The following ITPR1 variants were observed in gnomAD, a reference collection of about 807,000 sequenced individuals.
The protein encoded by ITPR1 is inositol 1,4,5-trisphosphate-gated calcium channel ITPR1.
Under a neutral mutation model 318.4 loss-of-function variants are expected in ITPR1, and 96 were observed. The observed-to-expected ratio is 0.30, with a 90% CI of 0.26 to 0.36. The LOEUF (loss-of-function observed/expected upper bound fraction) is 0.36. Among genes scored for constraint, ITPR1 ranks in the 10% least tolerant of loss-of-function variants. The pLI is 1.00. For synonymous variants in ITPR1, 1,312 were observed against 1,289.9 expected (o/e 1.02, Z -0.37); for missense variants, 2,440 against 3,460.2 (o/e 0.71, Z 7.40).
chr3:4,594,578 A>C (rs1023287124), intron 4 of ITPR1, among the ~76,000 whole-genome samples: 1 of 152,164 alleles, frequency 6.6e-6, no homozygotes, highest in Non-Finnish European at 1.5e-5. Flanking sequence ...TCTTTATCGT[A>C]AGATGGCTAC....
intron 4 of ITPR1, among the ~76,000 whole-genome samples, chr3:4,526,303 TAAGTGGTTC>T (rs2082972294): frequency 6.6e-6 from 1 of 152,222 alleles, no homozygotes; most frequent in Non-Finnish European, 1.5e-5. Context: ...ATTCTATCAC[TAAGTGGTTC>T]ATATGAATTG....
intron 44 of ITPR1, among the ~76,000 whole-genome samples, chr3:4,757,818 G>T (rs994339281): frequency 6.6e-6 from 1 of 152,218 alleles, no homozygotes; most frequent in Non-Finnish European, 1.5e-5. Flanking sequence ...TCCCCAGGGA[G>T]TGGGGAGTTC....
intron 55 of ITPR1, among the ~76,000 whole-genome samples, chr3:4,808,867 C>T (rs1203032857): frequency 6.6e-6 from 1 of 152,126 alleles, no homozygotes; most frequent in Non-Finnish European, 1.5e-5. Context: ...GCCCCCCCTC[C>T]CCCACAAAGA....
intron 25 of ITPR1, among the ~76,000 whole-genome samples, chr3:4,680,921 G>C (rs2094285116): frequency 6.6e-6 from 1 of 152,176 alleles, no homozygotes; most frequent in South Asian, 2.1e-4. Flanking sequence ...TTAGTGATGA[G>C]ACAGTTGAGG....
At chr3:4,797,839 T>C (rs555836710) in intron 53 of ITPR1, among the ~76,000 whole-genome samples, 9 of 152,224 alleles carry the variant, frequency 5.9e-5, no homozygotes, top group Non-Finnish European at 1.2e-4. Flanking sequence ...GGATTTTTTG[T>C]CCATAAATAT....
chr3:4,683,501 C>T lies in ITPR1; in HGVS notation c.3277C>T (p.Leu1093Phe), dbSNP rs1278034455. ...CCTGGTGTCAGGGGCCCTGCAGCTC[C>T]TCTTCCGGCACTTCAGCCAGAGGCA... ...PPLVSGALQLLFRHFSQRQEV... is the reference protein window; with the variant it reads ...PPLVSGALQLFFRHFSQRQEV... Residue 1093 changes from leucine to phenylalanine, a missense_variant, in exon 27 of 62, where the codon CTC becomes TTC. Physicochemically the swap from Leu to Phe is conservative, Grantham distance 22. This residue lies in a region of ITPR1 where 76 missense variants were observed against 132.2 expected (regional missense o/e 0.58). Coordinates refer to ENST00000649015, the MANE Select transcript of ITPR1 (RefSeq NM_001378452.1). 6.2e-7 allele frequency: 1 copy of T among 1,613,958 alleles called. No homozygotes were observed. The highest frequency in any genetic ancestry group is 8.5e-7 in the Non-Finnish European group (1 of 1,179,904).
At chr3:4,692,722 G>A (rs975030358) in intron 32 of ITPR1, among the ~76,000 whole-genome samples, 18 of 152,022 alleles carry the variant, frequency 1.2e-4, no homozygotes, top group Non-Finnish European at 2.1e-4. Flanking sequence ...TTTTTGAAGA[G>A]TAAGTATGGA....
At chr3:4,609,931 A>G (rs2091973807) in intron 4 of ITPR1, among the ~76,000 whole-genome samples, 1 of 152,192 alleles carries the variant, frequency 6.6e-6, no homozygotes, top group Non-Finnish European at 1.5e-5. Flanking sequence ...CACGTGAGGA[A>G]AAGGCACTGT....
intron 33 of ITPR1, among the ~76,000 whole-genome samples, chr3:4,696,318 A>G (rs867763745): frequency 1.3e-5 from 2 of 152,328 alleles, no homozygotes; most frequent in Non-Finnish European, 1.5e-5. Context: ...GTCTTTCTGA[A>G]TATATGGATT....
chr3:4,839,306 A>G (rs1167208130), intron 61 of ITPR1, among the ~76,000 whole-genome samples: 3 of 152,190 alleles, frequency 2.0e-5, no homozygotes, highest in Non-Finnish European at 4.4e-5. Context: ...CAGCCTGGGC[A>G]ACAAGAGTGA....
At chr3:4,766,208 A>C (rs1244226940) in intron 44 of ITPR1, among the ~76,000 whole-genome samples, 2 of 152,172 alleles carry the variant, frequency 1.3e-5, no homozygotes, top group African/African-American at 4.8e-5. Flanking sequence ...CATTATTAAC[A>C]GTGTTGTTTT....
rs142995221 is a variant in ITPR1, at chr3:4,686,300, T to G, written c.3702+1094T>G. Reference sequence around the variant, plus strand: ...CTCCTCCTCAGTCATGGGGACCATATGAATCGGGCAGGTCAGGCCTTTCGG... The same window carrying G: ...CTCCTCCTCAGTCATGGGGACCATAGGAATCGGGCAGGTCAGGCCTTTCGG... On this transcript the variant is annotated intron_variant, in intron 30 of 61. Transcript: ENST00000649015. Among the ~76,000 whole-genome samples, 112 of 152,308 alleles carry G rather than the reference T, an allele frequency of 7.4e-4. 1 individual carries two copies. The highest frequency in any genetic ancestry group is 3.4e-3 in the Middle Eastern group (1 of 294).
intron 42 of ITPR1, among the ~76,000 whole-genome samples, chr3:4,732,780 C>G (rs1247163232): frequency 1.3e-5 from 2 of 152,170 alleles, no homozygotes; most frequent in East Asian, 1.9e-4. Context: ...ATTTTATCAA[C>G]TTACCCCAAA....
chr3:4,627,922 C>A, intron 5 of ITPR1, 44 bp downstream of exon 5: 1 of 1,217,560 alleles, frequency 8.2e-7, no homozygotes, highest in Non-Finnish European at 1.2e-6. Flanking sequence ...TAGTGAGTGG[C>A]TGCCTTGGTG....
chr3:4,800,475 T>G lies in ITPR1; in HGVS notation c.6982T>G (p.Ser2328Ala). ...SGLLWTAMLI[S>A]LAIVIALPKP... ...ACTCCTGTGGACAGCCATGCTCATC[T>G]CTCTGGCCATCGTCATTGCCCTCCC... The change falls in exon 54 of 62, where the codon TCT (serine) becomes GCT (alanine). Residue 2328 changes from serine to alanine, a missense_variant. Transcript: ENST00000649015. 1 of 1,614,040 alleles carries G rather than the reference T, an allele frequency of 6.2e-7. No individual in the cohort carries two copies. The highest frequency in any genetic ancestry group is 8.5e-7 in the Non-Finnish European group (1 of 1,179,886).
rs143435553 is a variant in ITPR1, at chr3:4,585,584, GCAC to G, written c.164-42172_164-42170del. Among the ~76,000 whole-genome samples, 1,089 of 152,024 alleles carry G rather than the reference GCAC, an allele frequency of 7.2e-3. 10 individuals carry two copies. The highest frequency in any genetic ancestry group is 0.025 in the African/African-American group (1,041 of 41,444). On this transcript the variant is annotated intron_variant, in intron 4 of 61. Coordinates refer to ENST00000649015, the MANE Select transcript of ITPR1 (RefSeq NM_001378452.1). ...CCCAAGTAGCTAGGATTACAGGTGT[GCAC>G]CACCACGCCCGGCTAATTTTTGTAT...
intron 46 of ITPR1, among the ~76,000 whole-genome samples, chr3:4,772,224 G>A (rs762054013): frequency 1.3e-5 from 2 of 152,228 alleles, no homozygotes; most frequent in African/African-American, 2.4e-5. Flanking sequence ...CTCTTGGATC[G>A]GAGGGAAGGA....
At chr3:4,768,134 G>C in intron 45 of ITPR1, 1 of 177,026 alleles carries the variant, frequency 5.6e-6, no homozygotes, top group Non-Finnish European at 1.2e-5. Context: ...AACAATAATT[G>C]TGATTAGCAT....
intron 45 of ITPR1, 150 bp downstream of exon 45, chr3:4,766,860 C>A (rs955626456): frequency 5.1e-6 from 3 of 589,194 alleles, no homozygotes; most frequent in Non-Finnish European, 8.5e-6. Context: ...TGTAATTCTT[C>A]CTCAGTGACC....
Sources: gnomAD v4.1 joint callset for allele counts (sites outside exome capture counted in the v4.1 genomes callset) on GRCh38, gnomAD v4.1.1 for gene constraint, gnomAD v4.1.1 regional missense constraint, MANE v1.5 for transcripts, NCBI Gene and HGNC (gene_info 2026-07-23, HGNC 2026-07-21) for gene names.